GTF2F2: variants seen among roughly 807,000 people sequenced by gnomAD.
GTF2F2 encodes the protein ATP-dependent helicase GTF2F2.
In GTF2F2, 23 loss-of-function variants were observed where a neutral mutation model predicts 42.2. The observed-to-expected ratio is 0.55, with a 90% CI of 0.39 to 0.77. The LOEUF (loss-of-function observed/expected upper bound fraction) is 0.77, where lower values mean the gene tolerates loss of function less well. Ranked by LOEUF, GTF2F2 falls within the 30% of genes least tolerant of loss-of-function variation. The probability of loss-of-function intolerance (pLI) is 0.00; values close to 1 mark genes in which losing one functional copy is unlikely to be tolerated. For synonymous variants in GTF2F2, 105 were observed against 100.8 expected (o/e 1.04, Z -0.25); for missense variants, 261 against 287.2 (o/e 0.91, Z 0.66).
chr13:45,235,648 G>T (rs1874934346), intron 5 of GTF2F2, among the ~76,000 whole-genome samples: 1 of 151,668 alleles, frequency 6.6e-6, no homozygotes, highest in African/African-American at 2.4e-5. Context: ...GCAGTGCAGT[G>T]GCGTGATCTC....
chr13:45,150,097 A>G (rs888464840), intron 3 of GTF2F2, among the ~76,000 whole-genome samples: 1 of 152,162 alleles, frequency 6.6e-6, no homozygotes, highest in Admixed American at 6.5e-5. Flanking sequence ...TTTGATATGG[A>G]TTTTTTGAGA....
At chr13:45,244,718 T>C (rs1460951707) in intron 5 of GTF2F2, among the ~76,000 whole-genome samples, 1 of 152,254 alleles carries the variant, frequency 6.6e-6, no homozygotes, top group Non-Finnish European at 1.5e-5. Flanking sequence ...TTGCCCAGGC[T>C]GGCGTGCAGT....
Position 45,120,706 on chromosome 13 carries a change from A to G in GTF2F2, c.51A>G (p.Gly17=), listed in dbSNP as rs758986714. ...TGACCGGCGCCAAACAGAACACAGG[A>G]GTGTGGCTAGTCAAGGTAATGTTCG... ...LDLTGAKQNT[G]VWLVKVPKYL... Residue 17 remains glycine, a synonymous_variant, in exon 1 of 8, where the codon GGA becomes GGG. Transcript: ENST00000340473. The G allele has an allele frequency of 6.4e-7, 1 of 1,558,148 alleles. No individual in the cohort carries two copies. Among genetic ancestry groups the G allele is most frequent in the Non-Finnish European group, 8.7e-7 (1 of 1,149,900 alleles).
chr13:45,250,205 C>G (rs1875821630), intron 5 of GTF2F2, among the ~76,000 whole-genome samples: 1 of 152,022 alleles, frequency 6.6e-6, no homozygotes, highest in Non-Finnish European at 1.5e-5. Context: ...CAGGTATGCA[C>G]TACCATGCCC....
chr13:45,255,377 T>G (rs978119858), intron 6 of GTF2F2, among the ~76,000 whole-genome samples: 19 of 152,072 alleles, frequency 1.2e-4, no homozygotes, highest in Non-Finnish European at 7.4e-5. Flanking sequence ...TGAACTGGAG[T>G]GCACATGACC....
At chr13:45,147,962 A>G (rs1217665398) in intron 2 of GTF2F2, among the ~76,000 whole-genome samples, 59 of 152,204 alleles carry the variant, frequency 3.9e-4, no homozygotes, top group Non-Finnish European at 1.6e-4. Flanking sequence ...TTATGGCAAG[A>G]TATAACTGTT....
chr13:45,182,201 A>G (rs932455284), intron 4 of GTF2F2, among the ~76,000 whole-genome samples: 1 of 152,180 alleles, frequency 6.6e-6, no homozygotes, highest in Middle Eastern at 3.4e-3. Flanking sequence ...CCCAGGCTGG[A>G]GTACAGTGGT....
At chr13:45,170,133 C>G (rs1279270118) in intron 4 of GTF2F2, among the ~76,000 whole-genome samples, 1 of 152,172 alleles carries the variant, frequency 6.6e-6, no homozygotes, top group African/African-American at 2.4e-5. Context: ...AAGCGATCTT[C>G]CCACCCCAGC....
At chr13:45,241,768 A>T (rs1875323234) in intron 5 of GTF2F2, among the ~76,000 whole-genome samples, 1 of 152,164 alleles carries the variant, frequency 6.6e-6, no homozygotes. Flanking sequence ...TCTCTGATGA[A>T]ATGGAGCCTG....
At chr13:45,206,503 C>G (rs974053746) in intron 4 of GTF2F2, 1 of 152,202 alleles carries the variant, frequency 6.6e-6, no homozygotes, top group African/African-American at 2.4e-5. Context: ...CATAAATGCA[C>G]TACTCATGAG....
rs9534049 is a variant in GTF2F2, at chr13:45,163,775, A to G, written c.304+11944A>G. 7.7e-3 allele frequency among the ~76,000 whole-genome samples: 1,176 copies of G among 152,232 alleles called. 5 individuals are homozygous for G. The highest frequency in any genetic ancestry group is 0.031 in the Middle Eastern group (9 of 292). On this transcript the variant is annotated intron_variant, in intron 4 of 7. Coordinates refer to ENST00000340473, the MANE Select transcript of GTF2F2 (RefSeq NM_004128.3). ...AAGTGTAAAAAATGCCATGTAACTG[A>G]TTTTTCCCTCTGCAGTATAGCATTA...
intron 5 of GTF2F2, among the ~76,000 whole-genome samples, chr13:45,245,285 T>C (rs945306358): frequency 3.3e-5 from 5 of 151,782 alleles, no homozygotes; most frequent in Non-Finnish European, 7.4e-5. Flanking sequence ...AGCCCAGTTA[T>C]TCTTTAAAAT....
rs1871461745 is a variant in GTF2F2 at position 45,169,018 on chromosome 13, C to G, written c.304+17187C>G. ...CCCTCTTTCCCTCCTTCCCTCCTTC[C>G]TTGGTTTCACCCCGTTGCCCAGGCT... On this transcript the variant is annotated intron_variant, in intron 4 of 7. Coordinates refer to ENST00000340473, the MANE Select transcript of GTF2F2 (RefSeq NM_004128.3). Among the ~76,000 whole-genome samples the G allele has an allele frequency of 2.7e-5, 4 of 150,726 alleles. No homozygotes were observed. The Admixed American group carries it at 2.7e-4, about 10-fold the overall frequency.
At chr13:45,203,461 A>G (rs1012558906) in intron 4 of GTF2F2, among the ~76,000 whole-genome samples, 1 of 152,176 alleles carries the variant, frequency 6.6e-6, no homozygotes, top group Non-Finnish European at 1.5e-5. Context: ...AACTATCTAA[A>G]TGCAGACTCT....
At chr13:45,144,864 C>T (rs532857811) in intron 2 of GTF2F2, among the ~76,000 whole-genome samples, 27 of 152,160 alleles carry the variant, frequency 1.8e-4, no homozygotes, top group Non-Finnish European at 3.1e-4. Context: ...AATATGATGA[C>T]GGGAGTTCAA....
intron 2 of GTF2F2, among the ~76,000 whole-genome samples, chr13:45,142,491 C>G (rs555478249): frequency 7.2e-5 from 11 of 152,112 alleles, no homozygotes; most frequent in Non-Finnish European, 1.3e-4. Context: ...AAAAGGGAAT[C>G]TAGTGGTTTT....
intron 7 of GTF2F2, among the ~76,000 whole-genome samples, chr13:45,279,634 G>A (rs774840216): frequency 2.6e-5 from 4 of 152,162 alleles, no homozygotes; most frequent in South Asian, 2.1e-4. Context: ...GTGGCCGGGC[G>A]CGGTGGCTCA....
At chr13:45,282,128 G>A (rs1877293655) in intron 7 of GTF2F2, among the ~76,000 whole-genome samples, 1 of 152,032 alleles carries the variant, frequency 6.6e-6, no homozygotes, top group Admixed American at 6.6e-5. Context: ...AACCTGGGAG[G>A]CGGAGGTTGC....
intron 5 of GTF2F2, among the ~76,000 whole-genome samples, chr13:45,237,283 T>C (rs1046006350): frequency 2.0e-5 from 3 of 152,210 alleles, no homozygotes; most frequent in African/African-American, 7.2e-5. Flanking sequence ...TTTTTAATCT[T>C]TGAAAACATC....
Sources: gnomAD v4.1 joint callset for allele counts (sites outside exome capture counted in the v4.1 genomes callset) on GRCh38, gnomAD v4.1.1 for gene constraint, MANE v1.5 for transcripts, NCBI Gene and HGNC (gene_info 2026-07-23, HGNC 2026-07-21) for gene names.